The following CNTN5 variants were observed in gnomAD, a reference collection of about 807,000 sequenced individuals.
CNTN5 encodes contactin-5.
CNTN5 carries 77 observed loss-of-function variants against 129.1 expected under a neutral mutation model. The ratio of observed to expected loss-of-function variants is 0.60; its 90% confidence interval spans 0.50 to 0.72. The LOEUF (loss-of-function observed/expected upper bound fraction) is 0.72. Ranked by LOEUF, CNTN5 falls within the 30% of genes least tolerant of loss-of-function variation. The pLI is 0.00. For missense variants in CNTN5, 1,478 were observed against 1,328.8 expected, an observed-to-expected ratio of 1.11 and a Z score of -1.75; for synonymous variants, 509 against 465.6, an observed-to-expected ratio of 1.09 and a Z score of -1.20.
intron 2 of CNTN5, among the ~76,000 whole-genome samples, chr11:99,492,791 G>A (rs949567131): frequency 6.6e-6 from 1 of 152,150 alleles, no homozygotes; most frequent in African/African-American, 2.4e-5. Context: ...TTGGATTTGA[G>A]GAAGGGGAGC....
intron 3 of CNTN5, among the ~76,000 whole-genome samples, chr11:99,807,298 A>C (rs943255424): frequency 6.6e-6 from 1 of 152,196 alleles, no homozygotes; most frequent in African/African-American, 2.4e-5. Context: ...AGCTATTTTC[A>C]CTTCAGAAAT....
intron 2 of CNTN5, among the ~76,000 whole-genome samples, chr11:99,340,795 T>G (rs1422838467): frequency 2.0e-5 from 3 of 152,232 alleles, no homozygotes; most frequent in Non-Finnish European, 4.4e-5. Flanking sequence ...TGAAAGTAAT[T>G]AATTGCAAAA....
intron 1 of CNTN5, among the ~76,000 whole-genome samples, chr11:99,258,366 A>G (rs987099841): frequency 1.2e-4 from 18 of 152,010 alleles, no homozygotes; most frequent in African/African-American, 4.3e-4. Flanking sequence ...CTCATCATTT[A>G]GCTCCCACTT....
chr11:100,307,622 C>A (rs977328642), intron 20 of CNTN5, among the ~76,000 whole-genome samples: 1 of 151,620 alleles, frequency 6.6e-6, no homozygotes, highest in Non-Finnish European at 1.5e-5. Flanking sequence ...CCCACCTGCA[C>A]CTGTCTTAAA....
intron 3 of CNTN5, among the ~76,000 whole-genome samples, chr11:99,792,573 G>GTGTGTGCGTC (rs34622017): frequency 2.6e-5 from 3 of 116,614 alleles, no homozygotes; most frequent in African/African-American, 1.1e-4. Flanking sequence ...GTGTGTGTGT[G>GTGTGTGCGTC]TGTCTGTCTG....
intron 24 of CNTN5, 132 bp from the exon 25 acceptor site, chr11:100,355,985 A>T: frequency 3.2e-6 from 2 of 627,252 alleles, no homozygotes; most frequent in Non-Finnish European, 5.7e-6. Context: ...CTGATTTTAT[A>T]AATATAAAGA....
chr11:99,741,616 A>G (rs1943890561), intron 3 of CNTN5, among the ~76,000 whole-genome samples: 1 of 152,172 alleles, frequency 6.6e-6, no homozygotes, highest in Admixed American at 6.6e-5. Context: ...TGTTCAATGA[A>G]GTTAACCACT....
In CNTN5 at chr11:100,064,733, T is replaced by C. The variant is rs554373501; in HGVS notation, c.1162+3340T>C. Among the ~76,000 whole-genome samples the C allele has an allele frequency of 8.5e-5, 13 of 152,276 alleles. No individual in the cohort carries two copies. In the South Asian group the frequency reaches 2.7e-3, roughly 32 times the overall value. On this transcript the variant is annotated intron_variant, in intron 10 of 24. Coordinates refer to ENST00000524871, the MANE Select transcript of CNTN5 (RefSeq NM_014361.4). ...AACTCATCATATAAAATTTTGTTTC[T>C]ATAGTTCTAATGCAAGTTGAACTCT...
intron 3 of CNTN5, among the ~76,000 whole-genome samples, chr11:99,611,269 T>C (rs1370031758): frequency 6.6e-6 from 1 of 152,162 alleles, no homozygotes; most frequent in Non-Finnish European, 1.5e-5. Context: ...AGCTACAGCA[T>C]AGTGCATTTC....
chr11:99,726,631 G>A (rs1943349708), intron 3 of CNTN5, among the ~76,000 whole-genome samples: 1 of 152,064 alleles, frequency 6.6e-6, no homozygotes, highest in African/African-American at 2.4e-5. Flanking sequence ...CTAAAAAATA[G>A]GAAACTATCG....
intron 8 of CNTN5, among the ~76,000 whole-genome samples, chr11:99,965,274 T>G (rs1951063056): frequency 2.0e-5 from 3 of 152,224 alleles, no homozygotes; most frequent in Non-Finnish European, 2.9e-5. Flanking sequence ...TTTAGATGTT[T>G]CCTGCTTTCT....
chr11:100,347,495 T>TTTTTAATAA (rs1952309664), intron 23 of CNTN5, among the ~76,000 whole-genome samples: 1 of 152,136 alleles, frequency 6.6e-6, no homozygotes, highest in South Asian at 2.1e-4. Context: ...TTTCTCAGAA[T>TTTTTAATAA]TTTTAATAAT....
At chr11:99,878,176 G>C (rs1017888788) in intron 6 of CNTN5, among the ~76,000 whole-genome samples, 1 of 152,180 alleles carries the variant, frequency 6.6e-6, no homozygotes, top group Non-Finnish European at 1.5e-5. Flanking sequence ...AATGAAGTTA[G>C]ATCTAGGAAA....
chr11:99,081,286 T>C (rs2135282892), intron 1 of CNTN5, among the ~76,000 whole-genome samples: 1 of 152,288 alleles, frequency 6.6e-6, no homozygotes, highest in African/African-American at 2.4e-5. Flanking sequence ...GTGGAACTCT[T>C]CACAATTAAC....
At chr11:99,833,752 T>A (rs1947218819) in intron 4 of CNTN5, among the ~76,000 whole-genome samples, 1 of 152,148 alleles carries the variant, frequency 6.6e-6, no homozygotes. Context: ...ATAATAGAAC[T>A]TGATCATCCT....
chr11:100,292,601 C>T (rs1175773620), intron 18 of CNTN5, among the ~76,000 whole-genome samples: 1 of 151,962 alleles, frequency 6.6e-6, no homozygotes, highest in Non-Finnish European at 1.5e-5. Flanking sequence ...TGTCTTGCTC[C>T]TGTCCTTATT....
At chr11:99,493,853 AT>A (rs1213106910) in intron 2 of CNTN5, among the ~76,000 whole-genome samples, 4 of 150,936 alleles carry the variant, frequency 2.7e-5, no homozygotes, top group African/African-American at 9.7e-5. Flanking sequence ...CAATATTTAA[AT>A]TTCTATAAGA....
intron 9 of CNTN5, among the ~76,000 whole-genome samples, chr11:100,041,292 T>C (rs941100394): frequency 2.0e-5 from 3 of 152,204 alleles, no homozygotes; most frequent in African/African-American, 7.2e-5. Context: ...CTAGATTGGC[T>C]GTGCCTATGT....
At chr11:99,792,225 G>A (rs1237394506) in intron 3 of CNTN5, among the ~76,000 whole-genome samples, 1 of 152,116 alleles carries the variant, frequency 6.6e-6, no homozygotes, top group Non-Finnish European at 1.5e-5. Flanking sequence ...GTATGATGTT[G>A]ACTGTGGGTT....
Sources: allele counts gnomAD v4.1 joint callset (sites outside exome capture counted in the v4.1 genomes callset), GRCh38; gene constraint gnomAD v4.1.1; transcripts MANE v1.5; gene names NCBI Gene and HGNC (gene_info 2026-07-23, HGNC 2026-07-21).